The following QTMAN variants were observed in gnomAD, a reference collection of about 807,000 sequenced individuals.
QTMAN encodes the protein queuosine-tRNA mannosyltransferase.
the QTMAN span, among the ~76,000 whole-genome samples, chr2:144,156,704 A>C: frequency 5.5e-4 from 84 of 152,184 alleles, no homozygotes; most frequent in Admixed American, 8.5e-4. Context: ...AAAACAAACA[A>C]AAAAAATGCT....
chr2:143,989,829 C>T, the QTMAN span, among the ~76,000 whole-genome samples: 1 of 152,124 alleles, frequency 6.6e-6, no homozygotes, highest in Admixed American at 6.6e-5. Context: ...GGGCTGCATG[C>T]CCCTCATGGA....
the QTMAN span, among the ~76,000 whole-genome samples, chr2:144,280,476 G>T: frequency 2.1e-3 from 320 of 152,150 alleles, 1 homozygote; most frequent in Middle Eastern, 0.01. Context: ...GATTTTGGGG[G>T]TTTTTTTGTT....
At chr2:144,277,516 C>T in the QTMAN span, among the ~76,000 whole-genome samples, 1 of 151,872 alleles carries the variant, frequency 6.6e-6, no homozygotes, top group South Asian at 2.1e-4. Flanking sequence ...ATCCACATAC[C>T]CTAATGCAAA....
At chr2:144,087,394 T>C in the QTMAN span, among the ~76,000 whole-genome samples, 5 of 151,960 alleles carry the variant, frequency 3.3e-5, no homozygotes, top group African/African-American at 1.2e-4. Context: ...GGATAAATAA[T>C]AACAATTCTA....
At chr2:144,150,590 T>C in the QTMAN span, among the ~76,000 whole-genome samples, 1 of 152,048 alleles carries the variant, frequency 6.6e-6, no homozygotes, top group African/African-American at 2.4e-5. Context: ...TTCCCTAACC[T>C]GACACCCATG....
At chr2:144,126,696 A>G in the QTMAN span, among the ~76,000 whole-genome samples, 2 of 152,056 alleles carry the variant, frequency 1.3e-5, no homozygotes, top group African/African-American at 4.8e-5. Flanking sequence ...TGTTTCACTT[A>G]AAGTCACAGT....
the QTMAN span, among the ~76,000 whole-genome samples, chr2:144,144,424 C>G: frequency 2.0e-5 from 3 of 151,794 alleles, no homozygotes; most frequent in African/African-American, 7.3e-5. Context: ...AATAAACACA[C>G]TATCTGAGGA....
At chr2:143,972,444 T>G in the QTMAN span, among the ~76,000 whole-genome samples, 1 of 150,990 alleles carries the variant, frequency 6.6e-6, no homozygotes, top group Non-Finnish European at 1.5e-5. Flanking sequence ...ATGGCTGGGT[T>G]TTTTTTTTAA....
the QTMAN span, among the ~76,000 whole-genome samples, chr2:144,241,307 G>A: frequency 6.6e-6 from 1 of 152,114 alleles, no homozygotes; most frequent in Non-Finnish European, 1.5e-5. Context: ...AGAATGGCCT[G>A]GTTTTCAATT....
At chr2:144,148,733 C>T in the QTMAN span, among the ~76,000 whole-genome samples, 4 of 151,756 alleles carry the variant, frequency 2.6e-5, no homozygotes, top group Non-Finnish European at 5.9e-5. Context: ...GTTCAGCCTT[C>T]CAAAGAAAAC....
the QTMAN span, among the ~76,000 whole-genome samples, chr2:144,020,523 A>G: frequency 6.6e-6 from 1 of 152,360 alleles, no homozygotes; most frequent in East Asian, 1.9e-4. Flanking sequence ...TGGTTAAAAC[A>G]AGGCACCTAT....
the QTMAN span, chr2:144,141,824 T>C: frequency 9.5e-4 from 1,244 of 1,305,950 alleles, no homozygotes; most frequent in Admixed American, 9.7e-4. Flanking sequence ...CATCAATTTT[T>C]ATACATTTGA....
chr2:143,959,191 C>A, the QTMAN span, among the ~76,000 whole-genome samples: 1 of 151,874 alleles, frequency 6.6e-6, no homozygotes, highest in Non-Finnish European at 1.5e-5. Flanking sequence ...GCATTATTTT[C>A]TGTTATATTT....
chr2:144,224,498 T>C, the QTMAN span, among the ~76,000 whole-genome samples: 1 of 152,116 alleles, frequency 6.6e-6, no homozygotes, highest in Admixed American at 6.5e-5. Context: ...TCAAATTAAA[T>C]GTATGTCAGA....
At chr2:144,111,632 C>A in the QTMAN span, among the ~76,000 whole-genome samples, 1 of 152,164 alleles carries the variant, frequency 6.6e-6, no homozygotes, top group South Asian at 2.1e-4. Flanking sequence ...CCCTACATCT[C>A]CGGAAGCTGG....
chr2:144,042,161 A>T, the QTMAN span, among the ~76,000 whole-genome samples: 1 of 152,228 alleles, frequency 6.6e-6, no homozygotes, highest in East Asian at 1.9e-4. Flanking sequence ...ATTGATATTT[A>T]ACTTTAAGAT....
chr2:144,310,105 A>G, the QTMAN span, among the ~76,000 whole-genome samples: 1 of 152,246 alleles, frequency 6.6e-6, no homozygotes, highest in African/African-American at 2.4e-5. Flanking sequence ...GGAGAGGGAC[A>G]TTTTAAATAA....
chr2:144,082,123 C>T, the QTMAN span, among the ~76,000 whole-genome samples: 1 of 152,098 alleles, frequency 6.6e-6, no homozygotes, highest in Non-Finnish European at 1.5e-5. Context: ...AACTCCTGGG[C>T]TTAGGATCCC....
the QTMAN span, among the ~76,000 whole-genome samples, chr2:144,301,763 C>T: frequency 6.6e-6 from 1 of 152,170 alleles, no homozygotes; most frequent in Non-Finnish European, 1.5e-5. Flanking sequence ...CCAGGTTCCA[C>T]AAACAGTGGC....
Sources: allele counts gnomAD v4.1 joint callset (sites outside exome capture counted in the v4.1 genomes callset), GRCh38; gene constraint gnomAD v4.1.1; transcripts MANE v1.5; gene names NCBI Gene and HGNC (gene_info 2026-07-23, HGNC 2026-07-21).